ADAMTSL1: variants seen among roughly 807,000 people sequenced by gnomAD.
ADAMTSL1 encodes ADAMTS like 1, also known as ADAMTS-like protein 1.
Under a neutral mutation model 201.8 loss-of-function variants are expected in ADAMTSL1, and 126 were observed. The ratio of observed to expected loss-of-function variants is 0.62; its 90% CI spans 0.54 to 0.72. ADAMTSL1 has a LOEUF of 0.72. Ranked by LOEUF, ADAMTSL1 falls within the 30% of genes least tolerant of loss-of-function variation. The probability of loss-of-function intolerance (pLI) is 0.00; values close to 1 mark genes in which losing one functional copy is unlikely to be tolerated. For synonymous variants in ADAMTSL1, 1,121 were observed against 903.4 expected, an observed-to-expected ratio of 1.24 and a Z score of -4.32; for missense variants, 2,679 against 2,277.8, an observed-to-expected ratio of 1.18 and a Z score of -3.59.
In ADAMTSL1 at chr9:18,681,697, T is replaced by TGTGTTG. The variant is rs370940110; in HGVS notation, c.1342-114_1342-113insTGTTGG. ...TATAAATTTACCAGGAGTCCTCGTGTGGGGGGGGGGGGCGGGGAAAAAGAA... is the reference window on the plus strand; with the variant it reads ...TATAAATTTACCAGGAGTCCTCGTGTGTGTTGGGGGGGGGGGGGCGGGGAAAAAGAA... On this transcript the variant is annotated intron_variant, in intron 11 of 28. Transcript: ENST00000380548. The TGTGTTG allele has an allele frequency of 2.2e-4, 53 of 240,310 alleles. 1 individual carries two copies. Among genetic ancestry groups the TGTGTTG allele is most frequent in the South Asian group, 1.0e-3 (12 of 11,984 alleles). 14.9% of individuals were successfully genotyped at this position (240,310 alleles called of 1,614,324 possible). A position where few individuals can be genotyped will look rare whatever the true frequency, so the allele number is the denominator to read the frequency against.
chr9:18,686,007 C>T (rs965719226), intron 13 of ADAMTSL1, among the ~76,000 whole-genome samples: 2 of 152,046 alleles, frequency 1.3e-5, no homozygotes, highest in African/African-American at 2.4e-5. Context: ...CAGCTTTCAC[C>T]TGCCAGGCTC....
At chr9:18,185,144 A>G (rs958504576) in intron 2 of ADAMTSL1, among the ~76,000 whole-genome samples, 1 of 152,102 alleles carries the variant, frequency 6.6e-6, no homozygotes, top group African/African-American at 2.4e-5. Context: ...GGTGTTCATA[A>G]TCCTTTCCCT....
At chr9:18,020,106 C>A (rs1248151490) in intron 1 of ADAMTSL1, among the ~76,000 whole-genome samples, 2 of 151,934 alleles carry the variant, frequency 1.3e-5, no homozygotes, top group Non-Finnish European at 2.9e-5. Context: ...CTGTTATATT[C>A]CAGGAGCTAT....
chr9:18,910,837 A>C lies in ADAMTSL1; in HGVS notation c.*2289A>C, dbSNP rs1014353093. The C allele has an allele frequency of 5.9e-5, 9 of 152,270 alleles. No homozygotes were observed. The highest frequency in any genetic ancestry group is 2.6e-4 in the Admixed American group (4 of 15,286). The allele number at this position is 152,270 out of a possible 1,614,324, so 9.4% of individuals were successfully genotyped here. On this transcript the variant is annotated 3_prime_UTR_variant, in exon 29 of 29. Transcript: ENST00000380548. Reference sequence around the variant, plus strand: ...TTTGTTCTGTGAATTGCAACTCAGCAGCACCACAAGACAATGAAGGCTGCT... The same window carrying C: ...TTTGTTCTGTGAATTGCAACTCAGCCGCACCACAAGACAATGAAGGCTGCT...
At chr9:18,298,783 G>A (rs1425077670) in intron 2 of ADAMTSL1, among the ~76,000 whole-genome samples, 2 of 151,934 alleles carry the variant, frequency 1.3e-5, no homozygotes, top group African/African-American at 4.8e-5. Flanking sequence ...CAGCACTTTG[G>A]GAGGCCGCAG....
chr9:18,908,291 A>AAGTT (rs1377733329), intron 28 of ADAMTSL1, 151 bp from the exon 29 acceptor site: 7 of 682,956 alleles, frequency 1.0e-5, no homozygotes, highest in Non-Finnish European at 1.6e-5. Context: ...AGCTCTGTCA[A>AAGTT]AGTTAGGCTG....
At chr9:18,676,409 T>A (rs1436582095) in intron 10 of ADAMTSL1, among the ~76,000 whole-genome samples, 2 of 152,154 alleles carry the variant, frequency 1.3e-5, no homozygotes, top group Non-Finnish European at 2.9e-5. Flanking sequence ...GGCAATTTTT[T>A]AATATTCTTA....
chr9:18,693,327 A>G (rs953338259), intron 13 of ADAMTSL1, among the ~76,000 whole-genome samples: 1 of 152,242 alleles, frequency 6.6e-6, no homozygotes, highest in African/African-American at 2.4e-5. Flanking sequence ...CTCAAGCTAC[A>G]TGACTATCTA....
chr9:18,064,448 A>C (rs552230887), intron 1 of ADAMTSL1, among the ~76,000 whole-genome samples: 1 of 152,200 alleles, frequency 6.6e-6, no homozygotes, highest in Admixed American at 6.5e-5. Context: ...CTATTTCATT[A>C]GAGTTAATTC....
At chr9:18,399,653 T>G (rs530099242) in intron 2 of ADAMTSL1, among the ~76,000 whole-genome samples, 1 of 152,148 alleles carries the variant, frequency 6.6e-6, no homozygotes, top group South Asian at 2.1e-4. Flanking sequence ...ACCTGGCTAC[T>G]TTACCTTTAT....
intron 16 of ADAMTSL1, among the ~76,000 whole-genome samples, chr9:18,756,189 G>A (rs1328055969): frequency 7.6e-6 from 1 of 131,978 alleles, no homozygotes; most frequent in Non-Finnish European, 1.6e-5. Flanking sequence ...TGAAGCAGGA[G>A]AATCACTCAT....
At chr9:18,027,996 G>C (rs1461268106) in intron 1 of ADAMTSL1, among the ~76,000 whole-genome samples, 1 of 151,908 alleles carries the variant, frequency 6.6e-6, no homozygotes, top group African/African-American at 2.4e-5. Flanking sequence ...ACTATTCTTG[G>C]TTTAAAATCA....
intron 9 of ADAMTSL1, among the ~76,000 whole-genome samples, chr9:18,670,800 G>T (rs940601917): frequency 3.9e-5 from 6 of 152,160 alleles, no homozygotes; most frequent in African/African-American, 1.4e-4. Flanking sequence ...AGAAAAACTT[G>T]TGAAATAGTT....
At chr9:18,776,550 T>A (rs1374681238) in intron 18 of ADAMTSL1, among the ~76,000 whole-genome samples, 2 of 152,156 alleles carry the variant, frequency 1.3e-5, no homozygotes, top group African/African-American at 4.8e-5. Flanking sequence ...GGCAGCTTGA[T>A]GGTCCACAGC....
intron 2 of ADAMTSL1, among the ~76,000 whole-genome samples, chr9:18,246,627 A>G (rs1229651534): frequency 6.6e-6 from 1 of 152,170 alleles, no homozygotes; most frequent in African/African-American, 2.4e-5. Context: ...ACCCTTTTTA[A>G]AGATTAGATA....
chr9:18,503,335 A>G (rs1047186563), intron 1 of ADAMTSL1, among the ~76,000 whole-genome samples: 3 of 150,196 alleles, frequency 2.0e-5, no homozygotes, highest in African/African-American at 7.4e-5. Context: ...GACTTATTTC[A>G]CTTCGTGTCA....
At chr9:18,679,926 C>A (rs1406024842) in intron 10 of ADAMTSL1, among the ~76,000 whole-genome samples, 1 of 152,110 alleles carries the variant, frequency 6.6e-6, no homozygotes, top group African/African-American at 2.4e-5. Flanking sequence ...GAGTATACCA[C>A]TTTAGTCTTG....
rs1246725091 is a variant in ADAMTSL1, at chr9:18,254,364, T to G, written c.207+90383T>G. Among the ~76,000 whole-genome samples the G allele has an allele frequency of 7.3e-3, 826 of 113,678 alleles. 16 individuals carry two copies. Among genetic ancestry groups the G allele is most frequent in the Middle Eastern group, 0.038 (10 of 260 alleles). The allele number at this position is 113,678 out of a possible 152,430, so 74.6% of individuals were successfully genotyped here. A position where few individuals can be genotyped will look rare whatever the true frequency, so the allele number is the denominator to read the frequency against. On this transcript the variant is annotated intron_variant, in intron 2 of 29. Coordinates refer to the ADAMTSL1 transcript ENST00000680146. ...TTTTTGGTTTTTTTTTTTTTTTTTT[T>G]TTTTTTTTTTTTTTTTGAGATGGAA...
intron 2 of ADAMTSL1, among the ~76,000 whole-genome samples, chr9:18,240,544 A>G (rs746048101): frequency 6.6e-6 from 1 of 152,170 alleles, no homozygotes; most frequent in African/African-American, 2.4e-5. Context: ...CTACCACTCT[A>G]TTAACCCATA....
Sources: gnomAD v4.1 joint callset for allele counts (sites outside exome capture counted in the v4.1 genomes callset) on GRCh38, gnomAD v4.1.1 for gene constraint, MANE v1.5 for transcripts, NCBI Gene and HGNC (gene_info 2026-07-23, HGNC 2026-07-21) for gene names.